Variants in ROBO1 observed in about 807,000 individuals in gnomAD.
The protein encoded by ROBO1 is roundabout guidance receptor 1.
In ROBO1, 149 loss-of-function variants were observed where a neutral mutation model predicts 195.9. The ratio of observed to expected loss-of-function variants is 0.76; its 90% confidence interval spans 0.67 to 0.87. The LOEUF (loss-of-function observed/expected upper bound fraction) is 0.87, where lower values mean the gene tolerates loss of function less well. Among genes scored for constraint, ROBO1 ranks in the 40% least tolerant of loss-of-function variants. The pLI is 0.00. For synonymous variants in ROBO1, 816 were observed against 733.2 expected, an observed-to-expected ratio of 1.11 and a Z score of -1.82; for missense variants, 1,933 against 2,068.3, an observed-to-expected ratio of 0.93 and a Z score of 1.27.
At chr3:79,630,447 C>T (rs998185592) in intron 1 of ROBO1, among the ~76,000 whole-genome samples, 1 of 151,974 alleles carries the variant, frequency 6.6e-6, no homozygotes, top group Non-Finnish European at 1.5e-5. Flanking sequence ...AACACCCTCT[C>T]ATGTTAAAAA....
intron 3 of ROBO1, among the ~76,000 whole-genome samples, chr3:78,985,895 A>G (rs1021528546): frequency 2.6e-5 from 4 of 152,208 alleles, no homozygotes; most frequent in African/African-American, 9.6e-5. Flanking sequence ...TCAGCTATAC[A>G]GAGTTAAGAT....
Position 79,542,435 on chromosome 3 carries a change from A to C in ROBO1, c.88+47389T>G, listed in dbSNP as rs573501684. ...TTCTAAATAAAGTTATTTTTTCAGA[A>C]ATGCATTAGAAAAACTGACATATTT... On this transcript the variant is annotated intron_variant, in intron 2 of 30. Coordinates refer to ENST00000464233, the MANE Select transcript of ROBO1 (RefSeq NM_002941.4). 5.3e-5 allele frequency among the ~76,000 whole-genome samples: 8 copies of C among 152,162 alleles called. No homozygotes were observed. The South Asian group carries it at 1.7e-3, about 32-fold the overall frequency.
intron 25 of ROBO1, among the ~76,000 whole-genome samples, chr3:78,628,590 T>C (rs1704974387): frequency 6.6e-6 from 1 of 152,146 alleles, no homozygotes; most frequent in Non-Finnish European, 1.5e-5. Flanking sequence ...TGGACCCATT[T>C]CCCTTGTTCA....
intron 4 of ROBO1, among the ~76,000 whole-genome samples, chr3:78,842,223 AT>A (rs1202459588): frequency 9.8e-5 from 2 of 20,434 alleles, no homozygotes; most frequent in African/African-American, 2.8e-4. Flanking sequence ...TATATGAGCC[AT>A]ATATATATTT....
chr3:79,263,224 C>A (rs2082972569), intron 2 of ROBO1, among the ~76,000 whole-genome samples: 1 of 152,068 alleles, frequency 6.6e-6, no homozygotes, highest in Non-Finnish European at 1.5e-5. Flanking sequence ...CCTTCAATTT[C>A]TTGAAACCAA....
intron 4 of ROBO1, among the ~76,000 whole-genome samples, chr3:78,769,618 G>GTTTTTTT (rs34157314): frequency 8.3e-5 from 7 of 84,014 alleles, no homozygotes; most frequent in Non-Finnish European, 1.1e-4. Flanking sequence ...GTGTACTTTG[G>GTTTTTTT]TTTTTTTTTT....
chr3:78,679,570 A>T lies in ROBO1; in HGVS notation c.1342+6176T>A, dbSNP rs2107782638. 2.0e-5 allele frequency among the ~76,000 whole-genome samples: 3 copies of T among 152,302 alleles called. No individual in the cohort carries two copies. The Middle Eastern group carries it at 0.01, about 518-fold the overall frequency. ...AGAGCCAAATCATGAGTGAACTCCC[A>T]TTCACAATTGCTTCAAAGAGAATAA... On this transcript the variant is annotated intron_variant, in intron 10 of 30. Transcript: ENST00000464233.
intron 2 of ROBO1, among the ~76,000 whole-genome samples, chr3:79,356,427 T>G (rs1218026698): frequency 6.6e-6 from 1 of 152,212 alleles, no homozygotes; most frequent in Non-Finnish European, 1.5e-5. Flanking sequence ...ATCAATCTTT[T>G]GACCTCAGAG....
At chr3:79,264,831 T>A (rs111472862) in intron 2 of ROBO1, among the ~76,000 whole-genome samples, 30 of 151,996 alleles carry the variant, frequency 2.0e-4, no homozygotes, top group African/African-American at 7.2e-4. Context: ...CAAAAATCAA[T>A]CTTTAGAGAT....
intron 2 of ROBO1, among the ~76,000 whole-genome samples, chr3:79,448,327 C>A (rs1387734873): frequency 1.3e-5 from 2 of 152,138 alleles, no homozygotes; most frequent in Non-Finnish European, 2.9e-5. Context: ...TCATTTATAG[C>A]AAGAAGTTTT....
At chr3:78,735,805 T>C (rs2082379628) in intron 5 of ROBO1, among the ~76,000 whole-genome samples, 1 of 152,304 alleles carries the variant, frequency 6.6e-6, no homozygotes, top group African/African-American at 2.4e-5. Context: ...AATTTAAGTG[T>C]CATTTTAGAT....
In ROBO1 at chr3:78,651,879, G is replaced by C. The variant is rs202189901; in HGVS notation, c.2665C>G (p.Gln889Glu). 530 of 1,613,594 alleles carry C rather than the reference G, an allele frequency of 3.3e-4. No homozygotes were observed. The highest frequency in any genetic ancestry group is 4.1e-4 in the Non-Finnish European group (489 of 1,179,724). Residue 889 changes from glutamine (Q) to glutamate (E), a missense_variant, in exon 19 of 31, where the codon CAG (glutamine) becomes GAG (glutamate). Coordinates refer to ENST00000464233, the MANE Select transcript of ROBO1 (RefSeq NM_002941.4). ...SPEDQVSLAQ[Q>E]ISDVVKQPAF... is the part of the protein sequence containing the mutation. ...GGCTGCTTCACCACATCTGAAATCTGCTGAGCGAGGCTGACTTGGTCCTCA... is the reference window on the plus strand; with the variant it reads ...GGCTGCTTCACCACATCTGAAATCTCCTGAGCGAGGCTGACTTGGTCCTCA...
intron 4 of ROBO1, among the ~76,000 whole-genome samples, chr3:78,773,557 G>C (rs1472324030): frequency 1.7e-4 from 26 of 151,888 alleles, no homozygotes; most frequent in Admixed American, 1.7e-3. Context: ...TCTCCTTAAA[G>C]AAACATATAT....
chr3:79,094,453 A>C (rs1205671294), intron 3 of ROBO1, among the ~76,000 whole-genome samples: 2 of 152,130 alleles, frequency 1.3e-5, no homozygotes, highest in Non-Finnish European at 2.9e-5. Flanking sequence ...ATATGCAAAC[A>C]GAAAAGGACC....
chr3:79,209,667 T>C (rs1213698127), intron 2 of ROBO1, among the ~76,000 whole-genome samples: 1 of 152,114 alleles, frequency 6.6e-6, no homozygotes, highest in Non-Finnish European at 1.5e-5. Context: ...CAACATTGTT[T>C]TATTTTTTAA....
intron 3 of ROBO1, among the ~76,000 whole-genome samples, chr3:79,060,939 C>A (rs542936955): frequency 6.6e-6 from 1 of 152,114 alleles, no homozygotes. Context: ...AAAACTGGCA[C>A]AAGGCAAGGA....
chr3:79,672,308 T>A (rs2106910316), intron 1 of ROBO1, among the ~76,000 whole-genome samples: 1 of 151,144 alleles, frequency 6.6e-6, no homozygotes, highest in South Asian at 2.1e-4. Context: ...GCTGGGACAC[T>A]CTTTACTCAT....
chr3:79,052,092 G>A (rs199673686), intron 3 of ROBO1, among the ~76,000 whole-genome samples: 29 of 152,180 alleles, frequency 1.9e-4, no homozygotes, highest in African/African-American at 5.5e-4. Flanking sequence ...TTGTGGGGCC[G>A]GGCAGAACAG....
intron 4 of ROBO1, among the ~76,000 whole-genome samples, chr3:78,799,006 A>G (rs2084271667): frequency 1.3e-5 from 2 of 152,144 alleles, no homozygotes; most frequent in Admixed American, 1.3e-4. Context: ...GGGCCATGAG[A>G]AGAATCAGCT....
Sources: gnomAD v4.1 joint callset for allele counts (sites outside exome capture counted in the v4.1 genomes callset) on GRCh38, gnomAD v4.1.1 for gene constraint, MANE v1.5 for transcripts, NCBI Gene and HGNC (gene_info 2026-07-23, HGNC 2026-07-21) for gene names.